Variants in PREX1 observed in about 807,000 individuals in gnomAD.
PREX1 encodes phosphatidylinositol 3,4,5-trisphosphate-dependent Rac exchanger 1 protein.
In PREX1, 41 loss-of-function variants were observed where a neutral mutation model predicts 198.3. That is an observed-to-expected ratio of 0.21 (90% CI 0.16 to 0.27). The LOEUF (loss-of-function observed/expected upper bound fraction) is 0.27, where lower values mean the gene tolerates loss of function less well. PREX1 is among the 10% of genes least tolerant of loss of function. The pLI is 1.00. For missense variants in PREX1, 1,620 were observed against 2,200.7 expected (o/e 0.74, Z 5.28); for synonymous variants, 843 against 887.2 (o/e 0.95, Z 0.89).
the PREX1 span, among the ~76,000 whole-genome samples, chr20:48,878,402 C>T: frequency 7.2e-5 from 11 of 152,014 alleles, no homozygotes; most frequent in East Asian, 1.6e-3. Context: ...TGCAGTGGCA[C>T]GATCTCGGCT....
chr20:48,755,576 G>C (rs368705155), intron 1 of PREX1, among the ~76,000 whole-genome samples: 3 of 152,154 alleles, frequency 2.0e-5, no homozygotes, highest in African/African-American at 7.2e-5. Context: ...TTGCAAATGC[G>C]ATGCCTGGAA....
chr20:48,887,198 T>C, the PREX1 span, among the ~76,000 whole-genome samples: 1 of 152,202 alleles, frequency 6.6e-6, no homozygotes, highest in Non-Finnish European at 1.5e-5. Context: ...AGTTAATACA[T>C]ACCTCCGTGC....
chr20:48,764,618 A>G (rs1231871640), intron 1 of PREX1, among the ~76,000 whole-genome samples: 1 of 152,112 alleles, frequency 6.6e-6, no homozygotes, highest in Non-Finnish European at 1.5e-5. Context: ...CCCAATCTCT[A>G]GTAAAAATTA....
chr20:48,632,540 T>G lies in PREX1; in HGVS notation c.4367A>C (p.Glu1456Ala), dbSNP rs761661154. 24 of 1,613,870 alleles carry G rather than the reference T, an allele frequency of 1.5e-5. No individual in the cohort carries two copies. Among genetic ancestry groups the G allele is most frequent in the Non-Finnish European group, 2.0e-5 (24 of 1,180,006 alleles). Residue 1456 changes from glutamate to alanine, a missense_variant, in exon 34 of 40, where the codon GAG becomes GCG. Glu to Ala is a moderately radical substitution (Grantham distance 107). Transcript: ENST00000371941. ...GTGCAGCCTCAGGCTGGCCCCACCCTCCAGGCGGGAGGGCAGCTTGGAGAA... is the reference window on the plus strand; with the variant it reads ...GTGCAGCCTCAGGCTGGCCCCACCCGCCAGGCGGGAGGGCAGCTTGGAGAA... ...YHFSKLPSRLEGGASLRLHTA... is the reference protein window; with the variant it reads ...YHFSKLPSRLAGGASLRLHTA...
intron 1 of PREX1, among the ~76,000 whole-genome samples, chr20:48,763,873 A>G (rs2426088): frequency 6.6e-6 from 1 of 151,924 alleles, no homozygotes. Context: ...CAGTTTAGGG[A>G]GTGTCAACTA....
At chr20:48,774,766 G>A (rs1265933530) in intron 1 of PREX1, among the ~76,000 whole-genome samples, 1 of 152,244 alleles carries the variant, frequency 6.6e-6, no homozygotes, top group African/African-American at 2.4e-5. Flanking sequence ...ACTGGCTGAG[G>A]CCACAGATCC....
chr20:48,857,324 C>T, the PREX1 span, among the ~76,000 whole-genome samples: 23 of 152,250 alleles, frequency 1.5e-4, no homozygotes, highest in Non-Finnish European at 2.4e-4. Flanking sequence ...GACTATAAAC[C>T]GGTATAAGAT....
At chr20:48,709,080 A>C (rs1186080889) in intron 5 of PREX1, among the ~76,000 whole-genome samples, 1 of 152,092 alleles carries the variant, frequency 6.6e-6, no homozygotes, top group Non-Finnish European at 1.5e-5. Context: ...GGGACATTGC[A>C]AAGGCCAGGC....
chr20:48,702,533 C>A (rs2089880657), intron 6 of PREX1, among the ~76,000 whole-genome samples: 2 of 152,264 alleles, frequency 1.3e-5, no homozygotes, highest in Admixed American at 1.3e-4. Flanking sequence ...ATGACTAAGT[C>A]ATCACCAATG....
intron 3 of PREX1, among the ~76,000 whole-genome samples, chr20:48,736,705 T>C (rs2090058479): frequency 6.6e-6 from 1 of 152,194 alleles, no homozygotes; most frequent in South Asian, 2.1e-4. Flanking sequence ...AGCTGCAGAC[T>C]GTGGTGATGC....
the PREX1 span, among the ~76,000 whole-genome samples, chr20:48,884,644 T>G: frequency 6.6e-6 from 1 of 152,146 alleles, no homozygotes; most frequent in Non-Finnish European, 1.5e-5. Context: ...TATAAATGAC[T>G]AAAGAAAAAC....
chr20:48,694,298 G>C (rs985307659), intron 7 of PREX1, among the ~76,000 whole-genome samples: 1 of 152,152 alleles, frequency 6.6e-6, no homozygotes, highest in South Asian at 2.1e-4. Context: ...ACAAACATCT[G>C]GCCAGAGCTT....
chr20:48,833,442 T>G, the PREX1 span, among the ~76,000 whole-genome samples: 1 of 107,976 alleles, frequency 9.3e-6, no homozygotes. Context: ...ATCTTTTCTT[T>G]CTTTTTTTTT....
the PREX1 span, among the ~76,000 whole-genome samples, chr20:48,883,957 G>A: frequency 1.3e-5 from 2 of 151,908 alleles, no homozygotes; most frequent in South Asian, 2.1e-4. Context: ...TGGCTAACAC[G>A]GTGAAACCCC....
At chr20:48,729,659 T>C (rs1344475681) in intron 4 of PREX1, among the ~76,000 whole-genome samples, 1 of 152,178 alleles carries the variant, frequency 6.6e-6, no homozygotes, top group South Asian at 2.1e-4. Context: ...CCAAAGTCAA[T>C]GATCAGGCAA....
intron 1 of PREX1, among the ~76,000 whole-genome samples, chr20:48,807,963 TC>T (rs2090419268): frequency 6.6e-6 from 1 of 151,670 alleles, no homozygotes; most frequent in African/African-American, 2.4e-5. Flanking sequence ...CCCAAGCCCC[TC>T]CCCATCCTTG....
At chr20:48,634,529 G>A in intron 33 of PREX1, 147 bp downstream of exon 33, 1 of 629,998 alleles carries the variant, frequency 1.6e-6, no homozygotes, top group Non-Finnish European at 2.7e-6. Flanking sequence ...ACTCATGTTG[G>A]AGGCATGAGG....
At chr20:48,821,293 G>A (rs150745315) in intron 1 of PREX1, among the ~76,000 whole-genome samples, 1 of 152,320 alleles carries the variant, frequency 6.6e-6, no homozygotes, top group African/African-American at 2.4e-5. Context: ...GGTATCTGGG[G>A]ATGGAACTCT....
At chr20:48,630,650 G>C in intron 36 of PREX1, 78 bp downstream of exon 36, 1 of 1,310,898 alleles carries the variant, frequency 7.6e-7, no homozygotes, top group Non-Finnish European at 1.1e-6. Flanking sequence ...CACAACCCTG[G>C]GCCTGTCTGC....
Sources: allele counts gnomAD v4.1 joint callset (sites outside exome capture counted in the v4.1 genomes callset), GRCh38; gene constraint gnomAD v4.1.1; transcripts MANE v1.5; gene names NCBI Gene and HGNC (gene_info 2026-07-23, HGNC 2026-07-21).